Variants in TMEFF2 observed in about 807,000 individuals in gnomAD.
TMEFF2 encodes the protein transmembrane protein with EGF like and two follistatin like domains 2.
Under a neutral mutation model 53.8 loss-of-function variants are expected in TMEFF2, and 28 were observed. The ratio of observed to expected loss-of-function variants is 0.52; its 90% CI spans 0.39 to 0.71. The LOEUF (loss-of-function observed/expected upper bound fraction) is 0.71. TMEFF2 is among the 30% of genes least tolerant of loss of function. The pLI, the probability that TMEFF2 is intolerant of heterozygous loss-of-function variation, is 0.00. For missense variants in TMEFF2, 353 were observed against 455.2 expected, an observed-to-expected ratio of 0.78 and a Z score of 2.04; for synonymous variants, 162 against 166.3, an observed-to-expected ratio of 0.97 and a Z score of 0.20.
intron 4 of TMEFF2, among the ~76,000 whole-genome samples, chr2:192,121,882 A>G (rs1252408558): frequency 6.6e-6 from 1 of 152,222 alleles, no homozygotes; most frequent in Non-Finnish European, 1.5e-5. Context: ...TTCAGCAAAA[A>G]AAATTCTTAC....
chr2:192,194,315 C>T lies in TMEFF2; in HGVS notation c.172+38G>A, dbSNP rs776200366. The T allele has an allele frequency of 6.8e-6, 11 of 1,608,334 alleles. No homozygotes were observed. Among genetic ancestry groups the T allele is most frequent in the Non-Finnish European group, 8.5e-6 (10 of 1,176,256 alleles). On this transcript the variant is annotated intron_variant, in intron 1 of 9. Transcript: ENST00000272771. This position sits in a 1 kb window ranked among gnomAD's most constrained non-coding sequence, Gnocchi z 4.2. ...TGTGCTGGATACGCGTGTTCTTCTG[C>T]GGAGTTAAAGGGTCGGGGACGGGGG... is the stretch of plus-strand genomic sequence containing the variant.
At chr2:192,103,342 G>T (rs750211104) in intron 4 of TMEFF2, among the ~76,000 whole-genome samples, 2 of 152,074 alleles carry the variant, frequency 1.3e-5, no homozygotes, top group Non-Finnish European at 1.5e-5. Flanking sequence ...ACAGGTATTA[G>T]ATTTTTTCTC....
chr2:192,179,602 C>T lies in TMEFF2; in HGVS notation c.439+66G>A, dbSNP rs756612468. 3.4e-6 allele frequency: 5 copies of T among 1,464,008 alleles called. No homozygotes were observed. The Admixed American group carries it at 6.7e-5, about 20-fold the overall frequency. The allele number at this position is 1,464,008 out of a possible 1,614,324, so 90.7% of individuals were successfully genotyped here. ...TCTTAAATATCTGAAATGGAACATA[C>T]ATAAGTAAATATACATAATAATATC... On this transcript the variant is annotated intron_variant, in intron 4 of 9. Transcript: ENST00000272771.
rs919793144 is a variant in TMEFF2, at chr2:192,117,215, G to C, written c.440-59440C>G. ...CAGTGCTCTCTCAGAGTTATGAATAGCTACCTTTAAGGATAATTTTCAGAA... is the reference window on the plus strand; with the variant it reads ...CAGTGCTCTCTCAGAGTTATGAATACCTACCTTTAAGGATAATTTTCAGAA... On this transcript the variant is annotated intron_variant, in intron 4 of 9. Transcript: ENST00000272771. Among the ~76,000 whole-genome samples the C allele has an allele frequency of 2.6e-5, 4 of 152,086 alleles. No homozygotes were observed. In the East Asian group the frequency reaches 7.7e-4, roughly 29 times the overall value.
chr2:192,123,673 T>G (rs1279548917), intron 4 of TMEFF2, among the ~76,000 whole-genome samples: 1 of 152,224 alleles, frequency 6.6e-6, no homozygotes, highest in Non-Finnish European at 1.5e-5. Flanking sequence ...AACATCTGTA[T>G]CAGTTGCTAT....
At chr2:192,178,729 C>T (rs1425162830) in intron 4 of TMEFF2, 2 of 151,216 alleles carry the variant, frequency 1.3e-5, no homozygotes, top group African/African-American at 4.8e-5. Flanking sequence ...CCACCCTGAA[C>T]CCAAGGCCTT....
chr2:192,130,761 C>G (rs1353913562), intron 4 of TMEFF2, among the ~76,000 whole-genome samples: 2 of 152,040 alleles, frequency 1.3e-5, no homozygotes, highest in Non-Finnish European at 2.9e-5. Context: ...GTGAAATAAA[C>G]AGCCATGTTG....
At chr2:192,125,831 C>T (rs978878770) in intron 4 of TMEFF2, among the ~76,000 whole-genome samples, 7 of 152,100 alleles carry the variant, frequency 4.6e-5, no homozygotes, top group Admixed American at 6.6e-5. Context: ...GATGAGAAGA[C>T]GTGGACACAT....
At chr2:192,093,180 T>C (rs1452921808) in intron 4 of TMEFF2, among the ~76,000 whole-genome samples, 2 of 152,200 alleles carry the variant, frequency 1.3e-5, no homozygotes, top group Non-Finnish European at 2.9e-5. Flanking sequence ...TTACCCAGTG[T>C]GTCCCTGATC....
chr2:191,964,019 T>C (rs1692342930), intron 7 of TMEFF2, among the ~76,000 whole-genome samples: 1 of 152,172 alleles, frequency 6.6e-6, no homozygotes, highest in African/African-American at 2.4e-5. Context: ...GTAAACAGAA[T>C]TGCTGTCGAA....
chr2:192,055,252 T>C (rs1329169621), intron 5 of TMEFF2, among the ~76,000 whole-genome samples: 2 of 152,244 alleles, frequency 1.3e-5, no homozygotes, highest in Admixed American at 1.3e-4. Context: ...AGAAAGAGTC[T>C]TTGAATTAGT....
chr2:192,155,607 A>G (rs537947959), intron 4 of TMEFF2, among the ~76,000 whole-genome samples: 14 of 152,052 alleles, frequency 9.2e-5, no homozygotes, highest in South Asian at 2.1e-4. Flanking sequence ...GCTTAGCTGT[A>G]TTTCTGGAAT....
intron 4 of TMEFF2, among the ~76,000 whole-genome samples, chr2:192,168,049 T>G (rs909879443): frequency 1.3e-5 from 2 of 152,108 alleles, no homozygotes; most frequent in Admixed American, 6.6e-5. Context: ...CTGACAGTGA[T>G]GTGACTTACT....
intron 2 of TMEFF2, among the ~76,000 whole-genome samples, chr2:192,189,739 TCTTAG>T (rs1691415953): frequency 6.6e-6 from 1 of 151,950 alleles, no homozygotes; most frequent in African/African-American, 2.4e-5. Flanking sequence ...CTCAAGAGAC[TCTTAG>T]CTTAAAATAT....
In TMEFF2 at chr2:191,964,287, CCTT is replaced by C. The variant is rs1209785125; in HGVS notation, c.746-7912_746-7910del. Among the ~76,000 whole-genome samples, 563 of 139,348 alleles carry C rather than the reference CCTT, an allele frequency of 4.0e-3. 14 individuals are homozygous for C. The highest frequency in any genetic ancestry group is 0.015 in the African/African-American group (543 of 36,166). The allele number at this position is 139,348 out of a possible 152,430, so 91.4% of individuals were successfully genotyped here. Reference sequence around the variant, plus strand: ...TTCTTTTCTTTTTTCTTTTCCTTTTCCTTCTTTCCTTCTTTCCTTCTTTCTTTC... The same window carrying C: ...TTCTTTTCTTTTTTCTTTTCCTTTTCCTTTCCTTCTTTCCTTCTTTCTTTC... On this transcript the variant is annotated intron_variant, in intron 7 of 9. Coordinates refer to ENST00000272771, the MANE Select transcript of TMEFF2 (RefSeq NM_016192.4).
chr2:191,949,266 TTTTC>T lies in TMEFF2; in HGVS notation c.*1041_*1044del. 1 of 985,372 alleles carries T rather than the reference TTTTC, an allele frequency of 1.0e-6. No homozygotes were observed. Among genetic ancestry groups the T allele is most frequent in the Non-Finnish European group, 1.2e-6 (1 of 829,880 alleles). The allele number at this position is 985,372 out of a possible 1,614,324, so 61.0% of individuals were successfully genotyped here. A position where few individuals can be genotyped will look rare whatever the true frequency, so the allele number is the denominator to read the frequency against. On this transcript the variant is annotated 3_prime_UTR_variant, in exon 10 of 10. Transcript: ENST00000272771. ...GGTCTTTCAGATGCTATAGGATTAA[TTTTC>T]TTTCTTACCTCACCACATAAATATG...
chr2:191,952,472 T>G (rs1255527262), intron 9 of TMEFF2, among the ~76,000 whole-genome samples: 1 of 152,186 alleles, frequency 6.6e-6, no homozygotes, highest in Non-Finnish European at 1.5e-5. Context: ...TTTTAGATTC[T>G]TTTCTTTTTC....
rs187762074 is a variant in TMEFF2 at position 191,981,161 on chromosome 2, A to G, written c.745+17101T>C. On this transcript the variant is annotated intron_variant, in intron 7 of 9. Transcript: ENST00000272771. ...GAGCAGAAGATAAATTTTAACTTCT[A>G]TTGCAAATGAGGAAAGAGACTTAAT... Among the ~76,000 whole-genome samples the G allele has an allele frequency of 7.2e-5, 11 of 152,124 alleles. No homozygotes were observed. The East Asian group carries it at 1.7e-3, about 24-fold the overall frequency.
At position 191,953,740 on chromosome 2, in the gene TMEFF2, C is replaced by G; in HGVS notation, c.967G>C (p.Ala323Pro). ...ATCTGAATTGTTCCAATCACAGCTG[C>G]GATTAAGACATACTGAAATCGTACA... ...GPVRFQYVLI[A>P]AVIGTIQIAV... Residue 323 changes from alanine (A) to proline (P), a missense_variant, in exon 9 of 10, where the codon GCA becomes CCA. This residue lies in a region of TMEFF2 where 294 missense variants were observed against 397.3 expected (regional missense o/e 0.74). Transcript: ENST00000272771. 3 of 1,614,068 alleles carry G rather than the reference C, an allele frequency of 1.9e-6. No individual in the cohort carries two copies. The highest frequency in any genetic ancestry group is 2.5e-6 in the Non-Finnish European group (3 of 1,179,996).
Sources: gnomAD v4.1 joint callset for allele counts (sites outside exome capture counted in the v4.1 genomes callset) on GRCh38, gnomAD v4.1.1 for gene constraint, gnomAD v4.1.1 regional missense constraint, Gnocchi (gnomAD v3.1) non-coding constraint, MANE v1.5 for transcripts, NCBI Gene and HGNC (gene_info 2026-07-23, HGNC 2026-07-21) for gene names.